The following ZNF609 variants were observed in gnomAD, a reference collection of about 807,000 sequenced individuals.
The protein encoded by ZNF609 is zinc finger protein 609.
A neutral mutation model predicts 109.5 loss-of-function variants in ZNF609; 11 were observed. That is an observed-to-expected ratio of 0.10 (90% CI 0.06 to 0.17). The LOEUF is 0.17. ZNF609 is among the 10% of genes least tolerant of loss of function. The probability of loss-of-function intolerance (pLI) is 1.00; values close to 1 mark genes in which losing one functional copy is unlikely to be tolerated. For missense variants in ZNF609, 1,559 were observed against 1,772.4 expected (o/e 0.88, Z 2.16); for synonymous variants, 646 against 662.0 (o/e 0.98, Z 0.37).
intron 2 of ZNF609, among the ~76,000 whole-genome samples, chr15:64,537,937 C>T (rs546168998): frequency 6.6e-6 from 1 of 151,780 alleles, no homozygotes; most frequent in East Asian, 1.9e-4. Flanking sequence ...CCCGTCTCTA[C>T]TAAAAATACA....
rs527364962 is a variant in ZNF609 at position 64,678,226 on chromosome 15, G to A, written c.3513G>A (p.Arg1171=). 26 of 1,614,040 alleles carry A rather than the reference G, an allele frequency of 1.6e-5. No individual in the cohort carries two copies. The highest frequency in any genetic ancestry group is 1.1e-4 in the African/African-American group (8 of 74,926). The change falls in exon 6 of 10, where the codon AGG becomes AGA. Residue 1171 remains arginine, a synonymous_variant. Transcript: ENST00000326648. ...EERDRKLKEE[R]SRSKDSVPKE... ...GGGACCGCAAATTGAAGGAGGAAAG[G>A]AGTCGGAGTAAGGACTCTGTCCCCA... is the stretch of plus-strand genomic sequence containing the variant.
chr15:64,522,680 T>C (rs1205187549), intron 2 of ZNF609, among the ~76,000 whole-genome samples: 1 of 152,252 alleles, frequency 6.6e-6, no homozygotes, highest in Non-Finnish European at 1.5e-5. Flanking sequence ...CCTGCTTTCT[T>C]CTCTTTGGAA....
chr15:64,533,424 G>A (rs1205126557), intron 2 of ZNF609, among the ~76,000 whole-genome samples: 1 of 152,156 alleles, frequency 6.6e-6, no homozygotes, highest in African/African-American at 2.4e-5. Flanking sequence ...ATCTGGTACT[G>A]CCAGTTACTG....
intron 1 of ZNF609, among the ~76,000 whole-genome samples, chr15:64,492,574 G>A (rs562188331): frequency 1.3e-4 from 20 of 152,238 alleles, no homozygotes; most frequent in African/African-American, 4.8e-4. Context: ...TAGAGATGGA[G>A]TCTCGCTGTG....
chr15:64,503,814 C>A (rs905614564), intron 2 of ZNF609, among the ~76,000 whole-genome samples: 8 of 152,200 alleles, frequency 5.3e-5, no homozygotes, highest in African/African-American at 1.9e-4. Flanking sequence ...CCACTTCCCC[C>A]ATTAGTTTAG....
intron 1 of ZNF609, among the ~76,000 whole-genome samples, chr15:64,465,718 T>C (rs72741336): frequency 0.048 from 7,323 of 152,122 alleles, 236 homozygotes; most frequent in South Asian, 0.086. Flanking sequence ...CCCAGCACCT[T>C]TGTAACTCTT....
At chr15:64,623,125 T>C (rs2140972828) in intron 3 of ZNF609, 73 bp downstream of exon 3, 3 of 1,441,124 alleles carry the variant, frequency 2.1e-6, no homozygotes, top group African/African-American at 2.8e-5. Flanking sequence ...GACTTATTGT[T>C]GTAAATATTA....
chr15:64,494,780 C>T (rs1353345917), intron 1 of ZNF609, among the ~76,000 whole-genome samples: 2 of 152,168 alleles, frequency 1.3e-5, no homozygotes, highest in Non-Finnish European at 1.5e-5. Context: ...CCGTCTAGGC[C>T]TCCCAAAGTG....
intron 1 of ZNF609, among the ~76,000 whole-genome samples, chr15:64,462,624 A>C (rs1892959970): frequency 6.6e-6 from 1 of 152,194 alleles, no homozygotes; most frequent in Non-Finnish European, 1.5e-5. Context: ...AAAATAAAAA[A>C]GTCAAGAACC....
intron 1 of ZNF609, among the ~76,000 whole-genome samples, chr15:64,489,670 C>G (rs1459747651): frequency 6.6e-6 from 1 of 151,766 alleles, no homozygotes; most frequent in Non-Finnish European, 1.5e-5. Flanking sequence ...GCTGGGATTA[C>G]AGGCACCCGC....
At chr15:64,521,920 A>C (rs1893896718) in intron 2 of ZNF609, among the ~76,000 whole-genome samples, 1 of 152,158 alleles carries the variant, frequency 6.6e-6, no homozygotes, top group Admixed American at 6.5e-5. Flanking sequence ...TGTGGGCTGG[A>C]GATTGTTTCT....
At chr15:64,602,697 T>C (rs1227942456) in intron 2 of ZNF609, among the ~76,000 whole-genome samples, 2 of 148,356 alleles carry the variant, frequency 1.3e-5, no homozygotes, top group Non-Finnish European at 3.0e-5. Context: ...ACTACTGCCC[T>C]GACTTTTCTT....
intron 2 of ZNF609, among the ~76,000 whole-genome samples, chr15:64,530,871 A>G (rs1457822375): frequency 6.6e-6 from 1 of 152,236 alleles, no homozygotes; most frequent in Non-Finnish European, 1.5e-5. Flanking sequence ...TCTTAAGGAA[A>G]TTAGTTGTTT....
intron 2 of ZNF609, among the ~76,000 whole-genome samples, chr15:64,614,175 A>G (rs1278023616): frequency 6.9e-6 from 1 of 145,462 alleles, no homozygotes; most frequent in East Asian, 2.0e-4. Context: ...CCCACCTTGG[A>G]CTCCCAAAGT....
chr15:64,593,667 C>T (rs907572661), intron 2 of ZNF609, among the ~76,000 whole-genome samples: 1 of 152,178 alleles, frequency 6.6e-6, no homozygotes, highest in African/African-American at 2.4e-5. Context: ...GCTGGGACTA[C>T]TGGTGCGTGC....
At chr15:64,475,968 C>T (rs1382076781) in intron 1 of ZNF609, among the ~76,000 whole-genome samples, 2 of 152,120 alleles carry the variant, frequency 1.3e-5, no homozygotes, top group Admixed American at 6.6e-5. Flanking sequence ...AAAAGGCAGA[C>T]GGTGAATGCC....
intron 2 of ZNF609, among the ~76,000 whole-genome samples, chr15:64,612,630 T>C (rs77697695): frequency 1.7e-4 from 1 of 5,896 alleles, no homozygotes; most frequent in East Asian, 0.036. Context: ...GGAGCCTCTT[T>C]TTTTTTTTTT....
chr15:64,495,438 G>A (rs1339575566), intron 1 of ZNF609, among the ~76,000 whole-genome samples: 2 of 152,128 alleles, frequency 1.3e-5, no homozygotes, highest in African/African-American at 4.8e-5. Context: ...CTGTCGCCCA[G>A]TCTAGAGTAT....
intron 3 of ZNF609, among the ~76,000 whole-genome samples, chr15:64,626,831 G>A (rs1895970578): frequency 6.6e-6 from 1 of 152,102 alleles, no homozygotes; most frequent in Non-Finnish European, 1.5e-5. Flanking sequence ...AGATTCAACC[G>A]TGGGACTGTT....
Sources: allele counts gnomAD v4.1 joint callset (sites outside exome capture counted in the v4.1 genomes callset), GRCh38; gene constraint gnomAD v4.1.1; transcripts MANE v1.5; gene names NCBI Gene and HGNC (gene_info 2026-07-23, HGNC 2026-07-21).